Variants in HCN1 observed in about 807,000 individuals in gnomAD.
The protein encoded by HCN1 is potassium/sodium hyperpolarization-activated cyclic nucleotide-gated channel 1.
HCN1 carries 13 observed loss-of-function variants against 78.9 expected under a neutral mutation model. The observed-to-expected ratio is 0.16, with a 90% confidence interval of 0.11 to 0.26. The LOEUF is 0.26. HCN1 is among the 10% of genes least tolerant of loss of function. The pLI, the probability that HCN1 is intolerant of heterozygous loss-of-function variation, is 1.00. For synonymous variants in HCN1, 552 were observed against 455.5 expected (o/e 1.21, Z -2.70); for missense variants, 810 against 1,154.3 (o/e 0.70, Z 4.32).
chr5:45,454,505 A>T (rs1200520147), intron 3 of HCN1, among the ~76,000 whole-genome samples: 3 of 151,842 alleles, frequency 2.0e-5, no homozygotes, highest in South Asian at 2.1e-4. Flanking sequence ...AAAAATAAAA[A>T]AAAATAAAAT....
rs1283888603 is a variant in HCN1, at chr5:45,361,512, A to G, written c.1231-8266T>C. On this transcript the variant is annotated intron_variant, in intron 4 of 7. Coordinates refer to ENST00000303230, the MANE Select transcript of HCN1 (RefSeq NM_021072.4). ...TTTTCAGTAGAGATGGGGTTTCACCACATTGGTTAGACTGGTCTTGAATTC... is the reference window on the plus strand; with the variant it reads ...TTTTCAGTAGAGATGGGGTTTCACCGCATTGGTTAGACTGGTCTTGAATTC... 1.3e-5 allele frequency among the ~76,000 whole-genome samples: 2 copies of G among 152,212 alleles called. 1 individual carries two copies. Among genetic ancestry groups the G allele is most frequent in the African/African-American group, 4.8e-5 (2 of 41,456 alleles).
chr5:45,352,386 G>T (rs1746926014), intron 5 of HCN1, among the ~76,000 whole-genome samples: 1 of 151,778 alleles, frequency 6.6e-6, no homozygotes, highest in South Asian at 2.1e-4. Context: ...GCAGTGGGGG[G>T]AGGGGGAGGG....
chr5:45,549,475 A>G (rs1265102838), intron 2 of HCN1, among the ~76,000 whole-genome samples: 2 of 152,172 alleles, frequency 1.3e-5, no homozygotes, highest in Non-Finnish European at 2.9e-5. Flanking sequence ...TCCCTTCCAT[A>G]CACCTTATAC....
intron 5 of HCN1, among the ~76,000 whole-genome samples, chr5:45,325,627 T>G (rs1310584964): frequency 1.3e-5 from 2 of 151,702 alleles, no homozygotes; most frequent in Non-Finnish European, 3.0e-5. Context: ...GGACTTATAT[T>G]AATCTGGTGG....
intron 2 of HCN1, among the ~76,000 whole-genome samples, chr5:45,547,337 G>T (rs1306701304): frequency 2.0e-5 from 3 of 151,914 alleles, no homozygotes; most frequent in Non-Finnish European, 2.9e-5. Flanking sequence ...TTGTGAAGGT[G>T]AATTTCTGAT....
At chr5:45,445,779 G>A (rs543937063) in intron 3 of HCN1, among the ~76,000 whole-genome samples, 1 of 152,298 alleles carries the variant, frequency 6.6e-6, no homozygotes, top group African/African-American at 2.4e-5. Context: ...GGCAAACAGG[G>A]TCTGGAGTGG....
intron 1 of HCN1, among the ~76,000 whole-genome samples, chr5:45,692,365 G>A (rs771007596): frequency 5.9e-5 from 9 of 152,098 alleles, no homozygotes; most frequent in Non-Finnish European, 1.0e-4. Context: ...GTGTCTATGT[G>A]TTGTTCACAT....
intron 3 of HCN1, among the ~76,000 whole-genome samples, chr5:45,422,561 C>T (rs1046740054): frequency 6.6e-6 from 1 of 152,066 alleles, no homozygotes; most frequent in Non-Finnish European, 1.5e-5. Context: ...TGGAAAGACA[C>T]AAACATTTAG....
Position 45,541,176 on chromosome 5 carries a change from GA to G in HCN1, c.850-79170del, listed in dbSNP as rs376596516. ...CGTACAATGGTACAAAATGTTTATAGAAATTAATGTATAGAAACTAATGATG... is the reference window on the plus strand; with the variant it reads ...CGTACAATGGTACAAAATGTTTATAGAATTAATGTATAGAAACTAATGATG... On this transcript the variant is annotated intron_variant, in intron 2 of 7. Transcript: ENST00000303230. Among the ~76,000 whole-genome samples the G allele has an allele frequency of 6.4e-3, 970 of 152,218 alleles. 14 individuals are homozygous for G. Among genetic ancestry groups the G allele is most frequent in the African/African-American group, 0.023 (935 of 41,546 alleles).
chr5:45,553,206 C>T (rs1286521903), intron 2 of HCN1, among the ~76,000 whole-genome samples: 4 of 151,810 alleles, frequency 2.6e-5, no homozygotes, highest in Non-Finnish European at 2.9e-5. Context: ...CTGGGGTGGA[C>T]GTCCATCCAG....
At chr5:45,414,907 G>C (rs778486686) in intron 3 of HCN1, among the ~76,000 whole-genome samples, 5 of 151,920 alleles carry the variant, frequency 3.3e-5, no homozygotes, top group African/African-American at 9.7e-5. Flanking sequence ...AACTATGCTT[G>C]TCTTTTGTGC....
At chr5:45,587,079 G>A (rs1027507397) in intron 2 of HCN1, among the ~76,000 whole-genome samples, 4 of 152,158 alleles carry the variant, frequency 2.6e-5, no homozygotes, top group Non-Finnish European at 5.9e-5. Context: ...GGAGAACAAG[G>A]AACACTTTTA....
At chr5:45,299,196 A>T (rs1745557784) in intron 6 of HCN1, among the ~76,000 whole-genome samples, 1 of 152,052 alleles carries the variant, frequency 6.6e-6, no homozygotes, top group African/African-American at 2.4e-5. Flanking sequence ...TTGGGTAAAG[A>T]CTGGAAAAAT....
intron 3 of HCN1, among the ~76,000 whole-genome samples, chr5:45,436,312 A>G (rs1252192888): frequency 2.0e-5 from 3 of 152,130 alleles, no homozygotes; most frequent in Non-Finnish European, 4.4e-5. Flanking sequence ...CCTAAACCCA[A>G]CTAACTATGT....
At chr5:45,296,038 G>T (rs1745485609) in intron 6 of HCN1, among the ~76,000 whole-genome samples, 1 of 151,942 alleles carries the variant, frequency 6.6e-6, no homozygotes, top group African/African-American at 2.4e-5. Flanking sequence ...TAAAAGGCTT[G>T]TGCTTCTGGT....
At chr5:45,332,171 T>C (rs1746358224) in intron 5 of HCN1, among the ~76,000 whole-genome samples, 1 of 151,492 alleles carries the variant, frequency 6.6e-6, no homozygotes, top group Non-Finnish European at 1.5e-5. Context: ...GGCATCTTTC[T>C]AATCTTTTCT....
chr5:45,608,113 A>G (rs1209439594), intron 2 of HCN1, among the ~76,000 whole-genome samples: 1 of 152,104 alleles, frequency 6.6e-6, no homozygotes, highest in Admixed American at 6.6e-5. Context: ...AAAATAAGAT[A>G]CTATTTAAAA....
At chr5:45,587,561 AG>A (rs1313936742) in intron 2 of HCN1, among the ~76,000 whole-genome samples, 1 of 96,590 alleles carries the variant, frequency 1.0e-5, no homozygotes, top group East Asian at 3.3e-4. Flanking sequence ...GGGTAGGGGG[AG>A]GGGGGAGGGA....
At chr5:45,318,353 G>A (rs1746046695) in intron 5 of HCN1, among the ~76,000 whole-genome samples, 1 of 152,058 alleles carries the variant, frequency 6.6e-6, no homozygotes, top group Non-Finnish European at 1.5e-5. Flanking sequence ...TCATAGGTGG[G>A]AATTGAACAA....
Sources: gnomAD v4.1 joint callset for allele counts (sites outside exome capture counted in the v4.1 genomes callset) on GRCh38, gnomAD v4.1.1 for gene constraint, MANE v1.5 for transcripts, NCBI Gene and HGNC (gene_info 2026-07-23, HGNC 2026-07-21) for gene names.